Variants in VPS54 observed in about 807,000 individuals in gnomAD.
VPS54 encodes vacuolar protein sorting-associated protein 54.
Under a neutral mutation model 121.5 loss-of-function variants are expected in VPS54, and 45 were observed. The observed-to-expected ratio is 0.37, with a 90% CI of 0.29 to 0.47. VPS54 has a LOEUF of 0.47. VPS54 is among the 20% of genes least tolerant of loss of function. VPS54 has a pLI of 0.99. For missense variants in VPS54, 1,090 were observed against 1,131.4 expected (o/e 0.96, Z 0.52); for synonymous variants, 371 against 385.8 (o/e 0.96, Z 0.45).
chr2:63,953,440 G>C (rs1438007734), intron 7 of VPS54, among the ~76,000 whole-genome samples: 1 of 151,974 alleles, frequency 6.6e-6, no homozygotes, highest in Non-Finnish European at 1.5e-5. Flanking sequence ...GCCACCCCTA[G>C]GAAACTTTAA....
At chr2:63,922,240 C>T (rs1673681388) in intron 12 of VPS54, among the ~76,000 whole-genome samples, 1 of 152,106 alleles carries the variant, frequency 6.6e-6, no homozygotes, top group Non-Finnish European at 1.5e-5. Flanking sequence ...CCCCCAGGGG[C>T]ATATATAAAG....
intron 5 of VPS54, 139 bp from the exon 6 acceptor site, chr2:63,966,105 C>A (rs772784022): frequency 1.9e-4 from 149 of 797,120 alleles, no homozygotes; most frequent in Non-Finnish European, 2.7e-4. Context: ...CAGTTGAGTT[C>A]TTTACACAAA....
At chr2:63,893,614 C>CA (rs1396267761) in intron 22 of VPS54, 79 bp from the exon 23 acceptor site, 2 of 1,238,714 alleles carry the variant, frequency 1.6e-6, no homozygotes, top group Non-Finnish European at 2.3e-6. Flanking sequence ...CTCACCGAGT[C>CA]AGAGTCCTAT....
chr2:63,945,462 T>C (rs1674935786), intron 9 of VPS54, among the ~76,000 whole-genome samples: 1 of 152,134 alleles, frequency 6.6e-6, no homozygotes. Flanking sequence ...ACCTGGGTGA[T>C]GATATAATCT....
At chr2:63,973,849 A>G (rs1449740723) in intron 3 of VPS54, among the ~76,000 whole-genome samples, 2 of 152,062 alleles carry the variant, frequency 1.3e-5, no homozygotes, top group Non-Finnish European at 2.9e-5. Context: ...CCTGACCACC[A>G]ATCCTGTATC....
chr2:63,982,039 T>A, intron 2 of VPS54, 152 bp from the exon 3 acceptor site: 1 of 847,982 alleles, frequency 1.2e-6, no homozygotes, highest in Non-Finnish European at 1.7e-6. Context: ...TCAATCTGAT[T>A]GAATAACCTT....
chr2:64,016,476 T>TG (rs1678699671), intron 1 of VPS54, among the ~76,000 whole-genome samples: 1 of 152,070 alleles, frequency 6.6e-6, no homozygotes, highest in Non-Finnish European at 1.5e-5. Context: ...TGCCTAAAGC[T>TG]GGGGGTGGGG....
intron 22 of VPS54, among the ~76,000 whole-genome samples, chr2:63,896,493 C>A (rs1297459113): frequency 1.3e-5 from 2 of 152,074 alleles, no homozygotes; most frequent in Non-Finnish European, 2.9e-5. Flanking sequence ...ACAAATAATT[C>A]TTTAAAAAGA....
chr2:63,944,896 G>A (rs1360761998), intron 9 of VPS54, among the ~76,000 whole-genome samples: 4 of 152,128 alleles, frequency 2.6e-5, no homozygotes, highest in Non-Finnish European at 5.9e-5. Flanking sequence ...AACAGGTGCT[G>A]GCAAGGTTGT....
intron 11 of VPS54, among the ~76,000 whole-genome samples, chr2:63,941,735 T>A (rs1205910549): frequency 1.3e-5 from 2 of 152,092 alleles, no homozygotes; most frequent in East Asian, 3.9e-4. Flanking sequence ...AATAAAAATG[T>A]AAATAAAGAA....
At chr2:63,988,686 C>T (rs1443946504) in intron 1 of VPS54, among the ~76,000 whole-genome samples, 1 of 152,090 alleles carries the variant, frequency 6.6e-6, no homozygotes, top group South Asian at 2.1e-4. Flanking sequence ...TCTCTTAATC[C>T]CATCATCTTC....
At chr2:63,972,280 G>T in intron 3 of VPS54, 36 bp from the exon 4 acceptor site, 1 of 1,434,580 alleles carries the variant, frequency 7.0e-7, no homozygotes, top group Non-Finnish European at 9.7e-7. Flanking sequence ...CAATGTATGT[G>T]TAAACATGAG....
At chr2:63,901,901 G>C (rs1490514610) in intron 20 of VPS54, among the ~76,000 whole-genome samples, 1 of 152,124 alleles carries the variant, frequency 6.6e-6, no homozygotes, top group African/African-American at 2.4e-5. Context: ...TGTAATCCTA[G>C]CTACTTGGAA....
Position 63,920,548 on chromosome 2 carries a change from TC to T in VPS54, c.1948del (p.Glu650AsnfsTer23). 1 of 1,581,656 alleles carries T rather than the reference TC, an allele frequency of 6.3e-7. No individual in the cohort carries two copies. The highest frequency in any genetic ancestry group is 8.6e-7 in the Non-Finnish European group (1 of 1,164,326). ...CGTGCTTTTTCTTCCACAGATCTGT[TC>T]GGTGTCTAAAATGAATGTTTCCATT... The part of the protein sequence containing the change: ...RLMETFILDT[E>X]QICGRKSTSL... On this transcript the variant is annotated frameshift_variant, in exon 14 of 23. Transcript: ENST00000272322. LOFTEE classifies it high-confidence loss of function.
At chr2:63,905,555 A>C (rs1672869922) in intron 20 of VPS54, among the ~76,000 whole-genome samples, 1 of 152,080 alleles carries the variant, frequency 6.6e-6, no homozygotes, top group Non-Finnish European at 1.5e-5. Context: ...CTGTAAAGTA[A>C]GAACAAAGAC....
chr2:63,959,259 AAC>A (rs1675640762), intron 7 of VPS54, among the ~76,000 whole-genome samples: 1 of 152,206 alleles, frequency 6.6e-6, no homozygotes, highest in African/African-American at 2.4e-5. Flanking sequence ...TTTAAAACAA[AAC>A]ACAAACAAAA....
Position 63,913,870 on chromosome 2 carries a change from AC to A in VPS54, c.2334+311del, listed in dbSNP as rs542010288. On this transcript the variant is annotated intron_variant, in intron 17 of 22. Coordinates refer to ENST00000272322, the MANE Select transcript of VPS54 (RefSeq NM_016516.3). ...AAAGTTCAGTGAATTCCTTCCATGC[AC>A]ATTTGAAGCCAGTCCAGGTTTTTTG... The A allele has an allele frequency of 7.2e-4, 798 of 1,106,746 alleles. 12 individuals carry two copies. Among genetic ancestry groups the A allele is most frequent in the Non-Finnish European group, 1.0e-4 (91 of 910,366 alleles). The allele number at this position is 1,106,746 out of a possible 1,614,324, so 68.6% of individuals were successfully genotyped here.
rs1482634236 is a variant in VPS54 at position 63,919,918 on chromosome 2, T to A, written c.2129A>T (p.Asp710Val). Reference protein sequence around the residue: ...EFQDLVDSLSDGKIALPEKKS... With the variant: ...EFQDLVDSLSVGKIALPEKKS... ...TTTTTCAGGTAAAGCAATCTTCCCA[T>A]CTGACAGAGAATCAACAAGATCCTG... is the stretch of plus-strand genomic sequence containing the variant. The change falls in exon 15 of 23, where the codon GAT (aspartate) becomes GTT (valine). Residue 710 changes from aspartate (D) to valine (V), a missense_variant. Asp to Val is a radical substitution (Grantham distance 152). This residue lies in a region of VPS54 where 289 missense variants were observed against 374.4 expected (regional missense o/e 0.77). Transcript: ENST00000272322. 6.2e-7 allele frequency: 1 copy of A among 1,611,826 alleles called. No homozygotes were observed. The highest frequency in any genetic ancestry group is 1.3e-5 in the African/African-American group (1 of 74,834).
chr2:63,953,262 G>A (rs1366296221), intron 7 of VPS54, among the ~76,000 whole-genome samples: 1 of 150,568 alleles, frequency 6.6e-6, no homozygotes, highest in Non-Finnish European at 1.5e-5. Flanking sequence ...CTCCCAAGTA[G>A]CTAGGAATAC....
Sources: allele counts gnomAD v4.1 joint callset (sites outside exome capture counted in the v4.1 genomes callset), GRCh38; gene constraint gnomAD v4.1.1; regional missense constraint gnomAD v4.1.1; transcripts MANE v1.5; gene names NCBI Gene and HGNC (gene_info 2026-07-23, HGNC 2026-07-21).